Variants in OSBPL5 observed in about 807,000 individuals in gnomAD.
The protein encoded by OSBPL5 is oxysterol-binding protein-related protein 5.
Under a neutral mutation model 111.2 loss-of-function variants are expected in OSBPL5, and 71 were observed. The observed-to-expected ratio is 0.64, with a 90% CI of 0.53 to 0.78. The LOEUF is 0.78. Among genes scored for constraint, OSBPL5 ranks in the 30% least tolerant of loss-of-function variants. The pLI is 0.00. For synonymous variants in OSBPL5, 549 were observed against 513.9 expected (o/e 1.07, Z -0.93); for missense variants, 1,210 against 1,189.3 (o/e 1.02, Z -0.26).
At chr11:3,128,301 G>C (rs568276475) in intron 2 of OSBPL5, among the ~76,000 whole-genome samples, 6 of 152,300 alleles carry the variant, frequency 3.9e-5, no homozygotes, top group Non-Finnish European at 8.8e-5. Context: ...AGTGGGAGGA[G>C]AGGGGGCAGA....
chr11:3,156,980 C>G (rs1247748160), intron 1 of OSBPL5, among the ~76,000 whole-genome samples: 1 of 152,264 alleles, frequency 6.6e-6, no homozygotes, highest in Non-Finnish European at 1.5e-5. Context: ...GCTCCAAGCA[C>G]TGCACCCCGT....
rs1158531657 is a variant in OSBPL5, at chr11:3,109,511, T to C, written c.692-1566A>G. Among the ~76,000 whole-genome samples, 1 of 152,168 alleles carries C rather than the reference T, an allele frequency of 6.6e-6. No homozygotes were observed. Among genetic ancestry groups the C allele is most frequent in the Non-Finnish European group, 1.5e-5 (1 of 68,034 alleles). On this transcript the variant is annotated intron_variant, in intron 7 of 21. Transcript: ENST00000263650. This position sits in a 1 kb window ranked among gnomAD's most constrained non-coding sequence, Gnocchi z 7.4. ...AGCTCCTGGAGACAGTGAGTTTTTCTCCCTCACTTTGAGATCCATTAAATC... is the reference window on the plus strand; with the variant it reads ...AGCTCCTGGAGACAGTGAGTTTTTCCCCCTCACTTTGAGATCCATTAAATC...
chr11:3,139,693 T>G (rs1261382841), intron 1 of OSBPL5, among the ~76,000 whole-genome samples: 2 of 150,134 alleles, frequency 1.3e-5, no homozygotes, highest in Non-Finnish European at 3.0e-5. Context: ...AGAGGGCACA[T>G]CCAGCCTCCC....
chr11:3,090,649 G>A lies in OSBPL5; in HGVS notation c.2307C>T (p.Ser769=), dbSNP rs201020470. The A allele has an allele frequency of 5.0e-5, 80 of 1,612,522 alleles. 1 individual carries two copies. In the East Asian group the frequency reaches 1.2e-3, roughly 24 times the overall value. The change falls in exon 20 of 22, where the codon TCC becomes TCT. Residue 769 remains serine, a synonymous_variant. Coordinates refer to ENST00000263650, the MANE Select transcript of OSBPL5 (RefSeq NM_020896.4). ...QRLRKASDQP[S]GHSQATESSG... is the part of the protein sequence containing the mutation. ...TGCTCTCCGTGGCCTGGCTGTGGCCGGAGGGCTGGTCGCTGGCCTTGCGAA... is the reference window on the plus strand; with the variant it reads ...TGCTCTCCGTGGCCTGGCTGTGGCCAGAGGGCTGGTCGCTGGCCTTGCGAA...
rs540283508 is a variant in OSBPL5 at position 3,106,394 on chromosome 11, A to ACAGCCCCCACCCCAGAGCG, written c.1059+850_1059+868dup. 6.8e-6 allele frequency among the ~76,000 whole-genome samples: 1 copy of ACAGCCCCCACCCCAGAGCG among 147,536 alleles called. No individual in the cohort carries two copies. The highest frequency in any genetic ancestry group is 2.0e-4 in the East Asian group (1 of 4,948). On this transcript the variant is annotated intron_variant, in intron 9 of 21. Coordinates refer to ENST00000263650, the MANE Select transcript of OSBPL5 (RefSeq NM_020896.4). This position sits in a 1 kb window ranked among gnomAD's most constrained non-coding sequence, Gnocchi z 8.4. ...CAGATCACAGAGCCCCCCGTTCCTG[A>ACAGCCCCCACCCCAGAGCG]CAGCCCCCACCCCAGAGCGCAGCCC...
rs750427841 is a variant in OSBPL5 at position 3,103,356 on chromosome 11, G to C, written c.1245-36C>G. 2.6e-6 allele frequency: 4 copies of C among 1,547,884 alleles called. No individual in the cohort carries two copies. The East Asian group carries it at 9.5e-5, about 37-fold the overall frequency. ...GCAGGAGAACGCTGACCCCAGCTCC[G>C]GGGGCCGTGGGCCACCCTCCCTTTC... On this transcript the variant is annotated intron_variant, in intron 10 of 21. Coordinates refer to ENST00000263650, the MANE Select transcript of OSBPL5 (RefSeq NM_020896.4).
chr11:3,090,797 G>T, intron 19 of OSBPL5, 101 bp from the exon 20 acceptor site: 1 of 1,432,810 alleles, frequency 7.0e-7, no homozygotes. Flanking sequence ...TGCTAGAGGT[G>T]GCAGCCAGCA....
chr11:3,131,882 C>CATCT (rs1564850409), intron 1 of OSBPL5, among the ~76,000 whole-genome samples: 3 of 144,620 alleles, frequency 2.1e-5, no homozygotes, highest in East Asian at 4.2e-4. Flanking sequence ...TCCATCCACC[C>CATCT]ATCCACCCAC....
chr11:3,099,806 T>C (rs965938531), intron 14 of OSBPL5, among the ~76,000 whole-genome samples: 3 of 152,090 alleles, frequency 2.0e-5, no homozygotes, highest in Non-Finnish European at 2.9e-5. Context: ...CGGTGGCTCA[T>C]GCCTGTAATC....
chr11:3,155,935 A>C (rs1442672592), intron 1 of OSBPL5, among the ~76,000 whole-genome samples: 1 of 152,256 alleles, frequency 6.6e-6, no homozygotes, highest in African/African-American at 2.4e-5. Context: ...CCTCAGTCTC[A>C]GGCTCAAGCC....
chr11:3,165,127 TCCGGCCCTGCCCGG>T lies in OSBPL5; in HGVS notation c.-22+75_-22+88del, dbSNP rs1258696093. 3 of 150,294 alleles carry T rather than the reference TCCGGCCCTGCCCGG, an allele frequency of 2.0e-5. No individual in the cohort carries two copies. The highest frequency in any genetic ancestry group is 3.0e-5 in the Non-Finnish European group (2 of 67,450). The allele number at this position is 150,294 out of a possible 1,614,324, so 9.3% of individuals were successfully genotyped here. On this transcript the variant is annotated intron_variant, in intron 1 of 21. Coordinates refer to ENST00000263650, the MANE Select transcript of OSBPL5 (RefSeq NM_020896.4). This position sits in a 1 kb window ranked among gnomAD's most constrained non-coding sequence, Gnocchi z 7.4. ...CGGCCCCCCGCGGCCCTCGGTTCGC[TCCGGCCCTGCCCGG>T]CGGGGCCCTCCGGATCCTTCCCAGC...
At chr11:3,159,251 G>A (rs1357521027) in intron 1 of OSBPL5, among the ~76,000 whole-genome samples, 1 of 152,152 alleles carries the variant, frequency 6.6e-6, no homozygotes, top group Non-Finnish European at 1.5e-5. Context: ...GAACTCTCAG[G>A]TGTCCCTGGG....
Position 3,146,142 on chromosome 11 carries a change from C to G in OSBPL5, c.-21-16973G>C, listed in dbSNP as rs966236742. On this transcript the variant is annotated intron_variant, in intron 1 of 21. Coordinates refer to ENST00000263650, the MANE Select transcript of OSBPL5 (RefSeq NM_020896.4). The surrounding 1 kb of genome is among the most constrained non-coding windows in gnomAD (Gnocchi z 7.8). ...TCCATCTCACCAGATGCTAGGGGTA[C>G]AAAAGAAAAATAAGCCAGGGTCCCG... 1 of 152,174 alleles carries G rather than the reference C, an allele frequency of 6.6e-6. No homozygotes were observed. Among genetic ancestry groups the G allele is most frequent in the Non-Finnish European group, 1.5e-5 (1 of 68,062 alleles). The allele number at this position is 152,174 out of a possible 1,614,324, so 9.4% of individuals were successfully genotyped here. A position where few individuals can be genotyped will look rare whatever the true frequency, so the allele number is the denominator to read the frequency against.
intron 1 of OSBPL5, among the ~76,000 whole-genome samples, chr11:3,131,963 AT>A (rs1845823924): frequency 2.6e-5 from 1 of 37,884 alleles, no homozygotes; most frequent in East Asian, 6.1e-4. Context: ...CCATCCATCC[AT>A]CCATCCATCC....
At chr11:3,163,667 T>TCTGCC (rs1847031970) in intron 1 of OSBPL5, among the ~76,000 whole-genome samples, 1 of 152,196 alleles carries the variant, frequency 6.6e-6, no homozygotes, top group Admixed American at 6.5e-5. Flanking sequence ...GGGTTCGACA[T>TCTGCC]CTGCAGGGCA....
intron 4 of OSBPL5, 54 bp from the exon 5 acceptor site, chr11:3,122,152 G>C: frequency 3.3e-6 from 5 of 1,503,332 alleles, no homozygotes; most frequent in Non-Finnish European, 4.5e-6. Context: ...AGCTGCCCCA[G>C]CTCCTCCCAC....
At chr11:3,112,400 G>C (rs1378734672) in intron 7 of OSBPL5, among the ~76,000 whole-genome samples, 1 of 151,660 alleles carries the variant, frequency 6.6e-6, no homozygotes, top group Non-Finnish European at 1.5e-5. Flanking sequence ...GAAACCCCAA[G>C]AATGTAAACA....
chr11:3,102,542 C>G (rs1857495452), intron 11 of OSBPL5, among the ~76,000 whole-genome samples: 1 of 152,166 alleles, frequency 6.6e-6, no homozygotes, highest in African/African-American at 2.4e-5. Context: ...AGACCCTGAC[C>G]TTGTCACACT....
At position 3,102,254 on chromosome 11, in the gene OSBPL5, G is replaced by C; in HGVS notation, c.1354C>G (p.Leu452Val). Residue 452 changes from leucine to valine, a missense_variant, in exon 12 of 22, where the codon CTG (leucine) becomes GTG (valine). Coordinates refer to ENST00000263650, the MANE Select transcript of OSBPL5 (RefSeq NM_020896.4). Reference sequence around the variant, plus strand: ...CAGCAGCAGCGGAAGGTCTCCCCCAGGATGGGGTTGTACGGCTTCTTGATT... The same window carrying C: ...CAGCAGCAGCGGAAGGTCTCCCCCACGATGGGGTTGTACGGCTTCTTGATT... The part of the protein sequence containing the change: ...KGIKKPYNPI[L>V]GETFRCCWFH... The C allele has an allele frequency of 6.2e-7, 1 of 1,606,482 alleles. No individual in the cohort carries two copies. Among genetic ancestry groups the C allele is most frequent in the South Asian group, 1.1e-5 (1 of 89,232 alleles).
Sources: allele counts gnomAD v4.1 joint callset (sites outside exome capture counted in the v4.1 genomes callset), GRCh38; gene constraint gnomAD v4.1.1; non-coding constraint Gnocchi (gnomAD v3.1); transcripts MANE v1.5; gene names NCBI Gene and HGNC (gene_info 2026-07-23, HGNC 2026-07-21).